The following PPP4R2 variants were observed in gnomAD, a reference collection of about 807,000 sequenced individuals.
The protein encoded by PPP4R2 is serine/threonine-protein phosphatase 4 regulatory subunit 2.
In PPP4R2, 13 loss-of-function variants were observed where a neutral mutation model predicts 47.2. The ratio of observed to expected loss-of-function variants is 0.28; its 90% CI spans 0.18 to 0.44. The LOEUF is 0.44. Ranked by LOEUF, PPP4R2 falls within the 20% of genes least tolerant of loss-of-function variation. The pLI, the probability that PPP4R2 is intolerant of heterozygous loss-of-function variation, is 1.00. For synonymous variants in PPP4R2, 151 were observed against 163.3 expected, an observed-to-expected ratio of 0.92 and a Z score of 0.57; for missense variants, 421 against 491.2, an observed-to-expected ratio of 0.86 and a Z score of 1.35.
At chr3:73,012,473 A>T (rs1701745556) in intron 2 of PPP4R2, among the ~76,000 whole-genome samples, 1 of 151,896 alleles carries the variant, frequency 6.6e-6, no homozygotes, top group Non-Finnish European at 1.5e-5. Flanking sequence ...ATAATTTTTT[A>T]AATATTTTTA....
intron 2 of PPP4R2, among the ~76,000 whole-genome samples, chr3:73,020,134 C>CT (rs1224768670): frequency 1.3e-5 from 2 of 152,116 alleles, no homozygotes; most frequent in Non-Finnish European, 2.9e-5. Flanking sequence ...GGCTGGCAGT[C>CT]TAAGATAAGT....
intron 2 of PPP4R2, among the ~76,000 whole-genome samples, chr3:73,017,528 A>G (rs1433995388): frequency 2.0e-5 from 3 of 152,124 alleles, no homozygotes; most frequent in Non-Finnish European, 4.4e-5. Context: ...CTTGAAAGGG[A>G]AGAGTTAGAT....
chr3:73,062,182 T>A, intron 5 of PPP4R2: 1 of 1,559,272 alleles, frequency 6.4e-7, no homozygotes, highest in Non-Finnish European at 8.6e-7. Context: ...CCTATGATTC[T>A]TAACAAAATT....
chr3:73,043,417 T>A (rs537801778), intron 2 of PPP4R2, among the ~76,000 whole-genome samples: 127 of 152,358 alleles, frequency 8.3e-4, no homozygotes, highest in African/African-American at 2.9e-3. Context: ...TCACCATTTT[T>A]AAAAGTAATA....
At chr3:73,025,612 A>G (rs1388272) in intron 2 of PPP4R2, among the ~76,000 whole-genome samples, 7,931 of 152,272 alleles carry the variant, frequency 0.052, 680 homozygotes, top group African/African-American at 0.18. Context: ...TTAGCAGTGC[A>G]TCATGGTGCA....
Position 73,063,944 on chromosome 3 carries a change from C to T in PPP4R2, c.495-59C>T, listed in dbSNP as rs558150630. ...TCTGTGATGTATTCACATCAACATA[C>T]CTTAAGAGGGATGACTTTTTATAAA... On this transcript the variant is annotated intron_variant, in intron 6 of 8. Coordinates refer to ENST00000356692, the MANE Select transcript of PPP4R2 (RefSeq NM_174907.4). 7.2e-5 allele frequency: 106 copies of T among 1,473,728 alleles called. 1 individual carries two copies. The South Asian group carries it at 1.3e-3, about 18-fold the overall frequency. The allele number at this position is 1,473,728 out of a possible 1,614,324, so 91.3% of individuals were successfully genotyped here. A position where few individuals can be genotyped will look rare whatever the true frequency, so the allele number is the denominator to read the frequency against.
At chr3:73,024,484 G>A (rs1393324047) in intron 2 of PPP4R2, among the ~76,000 whole-genome samples, 1 of 152,018 alleles carries the variant, frequency 6.6e-6, no homozygotes, top group East Asian at 1.9e-4. Context: ...TAAGGTGTTG[G>A]GTAGTCTGCT....
At chr3:72,997,568 TTCTTGATTGCACGCC>T (rs1701376731) in intron 1 of PPP4R2, among the ~76,000 whole-genome samples, 1 of 152,218 alleles carries the variant, frequency 6.6e-6, no homozygotes, top group Admixed American at 6.5e-5. Flanking sequence ...GCCTTCACTG[TTCTTGATTGCACGCC>T]TTCCACGCAA....
At chr3:73,059,309 A>C (rs1702794571) in intron 4 of PPP4R2, among the ~76,000 whole-genome samples, 179 bp downstream of exon 4, 1 of 152,168 alleles carries the variant, frequency 6.6e-6, no homozygotes, top group African/African-American at 2.4e-5. Context: ...ATTTAATAGG[A>C]CCGGGTAGAG....
At chr3:73,004,861 GTGTGTGTGTTTGTT>G (rs1559545849) in intron 2 of PPP4R2, among the ~76,000 whole-genome samples, 2 of 51,818 alleles carry the variant, frequency 3.9e-5, no homozygotes, top group South Asian at 9.3e-4. Flanking sequence ...GTGTGTGTGT[GTGTGTGTGTTTGTT>G]TGTTTGTTTG....
intron 2 of PPP4R2, among the ~76,000 whole-genome samples, chr3:73,034,310 T>G (rs926934774): frequency 6.6e-6 from 1 of 152,194 alleles, no homozygotes; most frequent in Non-Finnish European, 1.5e-5. Flanking sequence ...TTATTTTAAC[T>G]CCTCCTCTTC....
intron 3 of PPP4R2, among the ~76,000 whole-genome samples, chr3:73,048,835 A>G (rs1226857335): frequency 2.0e-5 from 3 of 152,214 alleles, no homozygotes; most frequent in Admixed American, 6.5e-5. Context: ...TTTGCTTTAT[A>G]TCATATTCCA....
intron 2 of PPP4R2, among the ~76,000 whole-genome samples, chr3:73,002,373 C>G (rs1306657371): frequency 6.6e-6 from 1 of 152,178 alleles, no homozygotes; most frequent in Admixed American, 6.5e-5. Context: ...GCCTCAGCCT[C>G]CTGAATAGCT....
At chr3:73,010,345 C>A (rs1701697493) in intron 2 of PPP4R2, among the ~76,000 whole-genome samples, 1 of 152,050 alleles carries the variant, frequency 6.6e-6, no homozygotes, top group South Asian at 2.1e-4. Flanking sequence ...GCCTCAGCCC[C>A]CGCCCGCAGT....
intron 2 of PPP4R2, among the ~76,000 whole-genome samples, chr3:73,024,619 A>T (rs948016515): frequency 2.0e-5 from 3 of 152,150 alleles, no homozygotes; most frequent in African/African-American, 2.4e-5. Context: ...GAAAGCCCAA[A>T]GGAGTTTCTT....
rs965941473 is a variant in PPP4R2, at chr3:73,014,974, G to T, written c.116+16816G>T. 26 of 692,804 alleles carry T rather than the reference G, an allele frequency of 3.8e-5. No individual in the cohort carries two copies. The Admixed American group carries it at 5.1e-4, about 14-fold the overall frequency. The allele number at this position is 692,804 out of a possible 1,614,324, so 42.9% of individuals were successfully genotyped here. A position where few individuals can be genotyped will look rare whatever the true frequency, so the allele number is the denominator to read the frequency against. On this transcript the variant is annotated intron_variant, in intron 2 of 8. Transcript: ENST00000356692. Reference sequence around the variant, plus strand: ...CTGCCTCAACTTCCCAAACTGCGGGGATTGCAGATGTAAGCAGCCTCACCC... The same window carrying T: ...CTGCCTCAACTTCCCAAACTGCGGGTATTGCAGATGTAAGCAGCCTCACCC...
At chr3:73,040,862 G>A (rs1190560843) in intron 2 of PPP4R2, among the ~76,000 whole-genome samples, 3 of 152,090 alleles carry the variant, frequency 2.0e-5, no homozygotes, top group African/African-American at 4.8e-5. Context: ...CAAATACGTG[G>A]TGCAGTTAAA....
intron 2 of PPP4R2, among the ~76,000 whole-genome samples, chr3:73,008,046 C>T (rs1004422101): frequency 1.3e-5 from 2 of 149,694 alleles, no homozygotes; most frequent in East Asian, 2.0e-4. Context: ...CCCACCCCCC[C>T]TCCCATAACC....
intron 2 of PPP4R2, among the ~76,000 whole-genome samples, chr3:73,008,500 T>C (rs916452117): frequency 2.6e-5 from 4 of 152,230 alleles, no homozygotes; most frequent in Non-Finnish European, 4.4e-5. Context: ...TACTAGTCGT[T>C]GGCTAGTTTC....
Sources: allele counts gnomAD v4.1 joint callset (sites outside exome capture counted in the v4.1 genomes callset), GRCh38; gene constraint gnomAD v4.1.1; transcripts MANE v1.5; gene names NCBI Gene and HGNC (gene_info 2026-07-23, HGNC 2026-07-21).